Variants in WSB1 observed in about 807,000 individuals in gnomAD.
The protein encoded by WSB1 is WD repeat and SOCS box containing 1.
In WSB1, 23 loss-of-function variants were observed where a neutral mutation model predicts 50.2. The observed-to-expected ratio is 0.46, with a 90% CI of 0.33 to 0.65. The LOEUF (loss-of-function observed/expected upper bound fraction) is 0.65. WSB1 is among the 30% of genes least tolerant of loss of function. The probability of loss-of-function intolerance (pLI) is 0.02; values close to 1 mark genes in which losing one functional copy is unlikely to be tolerated. For synonymous variants in WSB1, 179 were observed against 172.0 expected (o/e 1.04, Z -0.32); for missense variants, 492 against 522.3 (o/e 0.94, Z 0.56).
At chr17:27,295,750 T>C (rs1421688619) in intron 1 of WSB1, among the ~76,000 whole-genome samples, 1 of 152,232 alleles carries the variant, frequency 6.6e-6, no homozygotes, top group Non-Finnish European at 1.5e-5. Context: ...CATAATGTTA[T>C]AGACGAGTGA....
intron 5 of WSB1, chr17:27,308,721 G>C: frequency 1.0e-6 from 1 of 986,880 alleles, no homozygotes; most frequent in Non-Finnish European, 1.2e-6. Context: ...TAAAAATCTG[G>C]TAGTTTCTGG....
chr17:27,310,364 C>T (rs1228932865), intron 7 of WSB1, among the ~76,000 whole-genome samples, 190 bp downstream of exon 7: 4 of 152,230 alleles, frequency 2.6e-5, no homozygotes, highest in Non-Finnish European at 5.9e-5. Context: ...ATGCCTCTCC[C>T]TGTGTTCCTT....
At position 27,303,631 on chromosome 17, in the gene WSB1, T is replaced by C; in HGVS notation, c.474T>C (p.Tyr158=). 1 of 1,613,876 alleles carries C rather than the reference T, an allele frequency of 6.2e-7. No homozygotes were observed. The highest frequency in any genetic ancestry group is 8.5e-7 in the Non-Finnish European group (1 of 1,179,852). The change falls in exon 3 of 9, where the codon TAT becomes TAC. Residue 158 remains tyrosine (Y), a synonymous_variant. Coordinates refer to ENST00000262394, the MANE Select transcript of WSB1 (RefSeq NM_015626.10). ...GGCGTATCAAAATATGGGATGTATA[T>C]ACAGGTATGGATTCATAGTTTTTAA... The part of the protein sequence containing the change: ...NNGRIKIWDV[Y]TGKLLLNLVD...
chr17:27,306,863 C>A lies in WSB1; in HGVS notation c.692C>A (p.Ser231Ter). The A allele has an allele frequency of 6.2e-7, 1 of 1,614,106 alleles. No individual in the cohort carries two copies. Among genetic ancestry groups the A allele is most frequent in the Non-Finnish European group, 8.5e-7 (1 of 1,180,016 alleles). ...AFSPDSSMLC[S>*]VGASKAVFLW... ...TCTCCTGACTCTTCTATGCTGTGTT[C>A]AGTCGGAGCCAGTAAAGCAGTACGT... Residue 231 changes from serine (S) to a stop codon, truncating the protein, a stop_gained, in exon 5 of 9, where the codon TCA (serine) becomes TAA (stop). Transcript: ENST00000262394. LOFTEE classifies it high-confidence loss of function.
intron 1 of WSB1, among the ~76,000 whole-genome samples, chr17:27,297,473 C>CTT (rs763082323): frequency 1.7e-4 from 25 of 144,340 alleles, no homozygotes; most frequent in East Asian, 1.2e-3. Context: ...CCGGCCTACT[C>CTT]TTTTTTTTTT....
At position 27,294,141 on chromosome 17, in the gene WSB1, G is replaced by A. The variant is rs1424320080; in HGVS notation, c.-255G>A. 6.0e-6 allele frequency: 2 copies of A among 334,838 alleles called. No homozygotes were observed. Among genetic ancestry groups the A allele is most frequent in the Non-Finnish European group, 1.1e-5 (2 of 183,908 alleles). 20.7% of individuals were successfully genotyped at this position (334,838 alleles called of 1,614,324 possible). On this transcript the variant is annotated 5_prime_UTR_variant, in exon 1 of 9. Coordinates refer to ENST00000262394, the MANE Select transcript of WSB1 (RefSeq NM_015626.10). ...TGTCTCGTTTGCAGTCGGCGCTTTAGGGGAACTGTCTTCCTCCGCAGGCGC... is the reference window on the plus strand; with the variant it reads ...TGTCTCGTTTGCAGTCGGCGCTTTAAGGGAACTGTCTTCCTCCGCAGGCGC...
Position 27,312,195 on chromosome 17 carries a change from T to G in WSB1, c.1107-15T>G. ...TATACTTGGGTGACTAAGCATGTGC[T>G]TTGTTTCTGTTTAGGACACATGACG... On this transcript the variant is annotated splice_polypyrimidine_tract_variant and intron_variant, in intron 8 of 8. Coordinates refer to ENST00000262394, the MANE Select transcript of WSB1 (RefSeq NM_015626.10). 6.3e-7 allele frequency: 1 copy of G among 1,595,024 alleles called. No homozygotes were observed. Among genetic ancestry groups the G allele is most frequent in the Non-Finnish European group, 8.5e-7 (1 of 1,172,734 alleles).
intron 1 of WSB1, among the ~76,000 whole-genome samples, chr17:27,301,195 T>A (rs1052309130): frequency 2.6e-5 from 4 of 152,186 alleles, no homozygotes; most frequent in African/African-American, 9.7e-5. Flanking sequence ...TTTAAAGCAC[T>A]GGTTTGGAGG....
chr17:27,303,829 A>C, intron 3 of WSB1, 194 bp downstream of exon 3: 2 of 633,130 alleles, frequency 3.2e-6, no homozygotes, highest in Non-Finnish European at 5.3e-6. Context: ...TATGGAGTTC[A>C]TATTGCTTCA....
In WSB1 at chr17:27,294,539, C is replaced by T. The variant is rs1422008730; in HGVS notation, c.40+104C>T. 8 of 1,507,992 alleles carry T rather than the reference C, an allele frequency of 5.3e-6. No homozygotes were observed. In the African/African-American group the frequency reaches 6.9e-5, roughly 13 times the overall value. The allele number at this position is 1,507,992 out of a possible 1,614,324, so 93.4% of individuals were successfully genotyped here. On this transcript the variant is annotated intron_variant, in intron 1 of 8. Coordinates refer to ENST00000262394, the MANE Select transcript of WSB1 (RefSeq NM_015626.10). Reference sequence around the variant, plus strand: ...GACTCCAAGTCTGAGGGAAGAGCTCCAGTGCGCCAGGGCCAGCCCACTAGC... The same window carrying T: ...GACTCCAAGTCTGAGGGAAGAGCTCTAGTGCGCCAGGGCCAGCCCACTAGC...
chr17:27,310,035 C>G, intron 6 of WSB1, 26 bp from the exon 7 acceptor site: 1 of 1,592,156 alleles, frequency 6.3e-7, no homozygotes, highest in South Asian at 1.1e-5. Flanking sequence ...GACTGATATC[C>G]ACTGAAAACA....
intron 1 of WSB1, among the ~76,000 whole-genome samples, chr17:27,298,833 C>T (rs964383619): frequency 2.0e-5 from 3 of 152,124 alleles, no homozygotes; most frequent in African/African-American, 7.2e-5. Flanking sequence ...CACTGCACTC[C>T]AGCCTGGGCG....
chr17:27,310,075 C>A lies in WSB1; in HGVS notation c.899C>A (p.Pro300Gln). 2 of 1,614,070 alleles carry A rather than the reference C, an allele frequency of 1.2e-6. No homozygotes were observed. The highest frequency in any genetic ancestry group is 2.2e-5 in the South Asian group (2 of 91,070). ...ILMEFGHLFP[P>Q]PTPIFAGGAN... ...TTTGACCTCAGGCACCTGTTTCCCC[C>A]ACCTACTCCAATATTTGCTGGAGGA... Residue 300 changes from proline (P) to glutamine (Q), a missense_variant, in exon 7 of 9, where the codon CCA becomes CAA. Transcript: ENST00000262394.
At chr17:27,307,531 A>G in intron 5 of WSB1, 1 of 571,382 alleles carries the variant, frequency 1.8e-6, no homozygotes, top group Non-Finnish European at 3.1e-6. Context: ...TGATAATTAC[A>G]ATACACTTTG....
At chr17:27,303,290 CACTT>C in intron 2 of WSB1, 73 bp from the exon 3 acceptor site, 1 of 1,464,694 alleles carries the variant, frequency 6.8e-7, no homozygotes, top group Non-Finnish European at 9.2e-7. Context: ...TTTTAACAAA[CACTT>C]GTAATTATTC....
At chr17:27,306,908 C>G in intron 5 of WSB1, 26 bp downstream of exon 5, 1 of 1,599,884 alleles carries the variant, frequency 6.3e-7, no homozygotes, top group Non-Finnish European at 8.6e-7. Flanking sequence ...CTTGTACATT[C>G]ATTATGAATT....
Position 27,306,634 on chromosome 17 carries a change from A to G in WSB1, c.611-148A>G, listed in dbSNP as rs975864381. The G allele has an allele frequency of 2.1e-5, 14 of 676,796 alleles. No individual in the cohort carries two copies. The African/African-American group carries it at 2.5e-4, about 12-fold the overall frequency. 41.9% of individuals were successfully genotyped at this position (676,796 alleles called of 1,614,324 possible). On this transcript the variant is annotated intron_variant, in intron 4 of 8. Transcript: ENST00000262394. The stretch of plus-strand genomic sequence containing the variant: ...TGTGTTCCAGTAAAATTTAAAACCT[A>G]AGCAGCTGGTGTATATCGGTAACCC...
Position 27,310,120 on chromosome 17 carries a change from G to T in WSB1, c.944G>T (p.Arg315Leu). The part of the protein sequence containing the change: ...FAGGANDRWV[R>L]SVSFSHDGLH... Reference sequence around the variant, plus strand: ...GGAGGAGCAAATGACCGGTGGGTACGATCTGTATCTTTTAGCCATGATGGA... The same window carrying T: ...GGAGGAGCAAATGACCGGTGGGTACTATCTGTATCTTTTAGCCATGATGGA... Residue 315 changes from arginine to leucine, a missense_variant, in exon 7 of 9, where the codon CGA becomes CTA. Transcript: ENST00000262394. 2 of 1,614,082 alleles carry T rather than the reference G, an allele frequency of 1.2e-6. No homozygotes were observed. Among genetic ancestry groups the T allele is most frequent in the Non-Finnish European group, 1.7e-6 (2 of 1,179,970 alleles).
intron 1 of WSB1, 37 bp downstream of exon 1, chr17:27,294,472 G>C (rs2150823009): frequency 6.2e-7 from 1 of 1,611,224 alleles, no homozygotes; most frequent in East Asian, 2.2e-5. Context: ...CATGAGGGCC[G>C]AGGAGAGGCA....
Sources: gnomAD v4.1 joint callset for allele counts (sites outside exome capture counted in the v4.1 genomes callset) on GRCh38, gnomAD v4.1.1 for gene constraint, MANE v1.5 for transcripts, NCBI Gene and HGNC (gene_info 2026-07-23, HGNC 2026-07-21) for gene names.